Variants in SPIN3 observed in about 807,000 individuals in gnomAD.
SPIN3 encodes spindlin family member 3.
For synonymous variants in SPIN3, 74 were observed against 74.3 expected (o/e 1.00, Z 0.02); for missense variants, 176 against 196.4 (o/e 0.90, Z 0.62).
intron 3 of SPIN3, among the ~76,000 whole-genome samples, chrX:56,981,302 A>G (rs1478509655): frequency 9.4e-6 from 1 of 106,475 alleles, no homozygotes; most frequent in African/African-American, 3.4e-5. Flanking sequence ...TGGAGGTTGC[A>G]GTGAGCCAAG....
At chrX:56,984,089 G>A (rs950339252) in intron 3 of SPIN3, among the ~76,000 whole-genome samples, 8 of 111,350 alleles carry the variant, frequency 7.2e-5, no homozygotes, top group Middle Eastern at 4.6e-3. Flanking sequence ...ATACCAGCAC[G>A]GCCCTCTAAT....
At chrX:56,977,586 A>G (rs1924031560) in intron 5 of SPIN3, 1 of 112,264 alleles carries the variant, frequency 8.9e-6, no homozygotes, top group African/African-American at 3.2e-5. Flanking sequence ...ACACATGTGT[A>G]CATGCATGCA....
downstream of SPIN3, chrX:56,975,553 C>T (rs1923987808): frequency 9.0e-6 from 1 of 111,205 alleles, no homozygotes; most frequent in Non-Finnish European, 1.9e-5. Context: ...GTCCGATCCC[C>T]CCACTTTCTG....
At chrX:56,984,439 T>C (rs930635222) in exon 3 of SPIN3, 22 of 322,378 alleles carry the variant, frequency 6.8e-5, no homozygotes, top group Non-Finnish European at 1.2e-4. Flanking sequence ...AAGAAAGTCA[T>C]GTATGGGTTC....
intron 3 of SPIN3, among the ~76,000 whole-genome samples, chrX:56,983,127 C>A (rs187376940): frequency 2.3e-4 from 26 of 112,190 alleles, no homozygotes; most frequent in African/African-American, 8.4e-4. Context: ...TTACAAACTG[C>A]ATTTCCATTC....
At chrX:56,983,253 T>C (rs993524941) in intron 3 of SPIN3, among the ~76,000 whole-genome samples, 1 of 111,967 alleles carries the variant, frequency 8.9e-6, no homozygotes, top group Non-Finnish European at 1.9e-5. Context: ...CAGTCATTCT[T>C]GAGACACCTG....
intron 3 of SPIN3, among the ~76,000 whole-genome samples, chrX:56,983,783 C>T (rs1382644286): frequency 7.1e-5 from 8 of 112,474 alleles, no homozygotes; most frequent in East Asian, 2.8e-4. Flanking sequence ...CTGGGGACCC[C>T]GCTGAGGCCA....
rs761261018 is a variant in SPIN3 at position 56,992,535 on chromosome X, G to T, written c.*1636C>A. On this transcript the variant is annotated 3_prime_UTR_variant, in exon 2 of 2. Coordinates refer to ENST00000374919, the MANE Select transcript of SPIN3 (RefSeq NM_001010862.3). ...ATCTTCTTTGTTTCATCCTCAGCAG[G>T]ATGCCAATCTGTGCCGGTAGTCTGG... is the stretch of plus-strand genomic sequence containing the variant. 18 of 295,435 alleles carry T rather than the reference G, an allele frequency of 6.1e-5. No homozygotes were observed. In the East Asian group the frequency reaches 7.6e-4, roughly 13 times the overall value. The allele number at this position is 295,435 out of a possible 1,213,427, so 24.3% of individuals were successfully genotyped here. A position where few individuals can be genotyped will look rare whatever the true frequency, so the allele number is the denominator to read the frequency against.
intron 2 of SPIN3, among the ~76,000 whole-genome samples, chrX:56,985,424 C>A (rs944572619): frequency 8.9e-6 from 1 of 112,344 alleles, no homozygotes; most frequent in African/African-American, 3.2e-5. Context: ...CAGCCCATAT[C>A]CAAAGACGGA....
downstream of SPIN3, chrX:56,975,413 T>C (rs766110488): frequency 8.9e-6 from 1 of 112,031 alleles, no homozygotes; most frequent in South Asian, 3.8e-4. Context: ...AGTAAGAGGT[T>C]GTAGACACCA....
chrX:56,994,976 T>A, intron 1 of SPIN3, 27 bp from the exon 2 acceptor site: 2 of 1,142,723 alleles, frequency 1.8e-6, no homozygotes, highest in Non-Finnish European at 2.3e-6. Flanking sequence ...AGTTGCCAGG[T>A]GGACCGAGAA....
intron 3 of SPIN3, chrX:56,981,488 A>G (rs771938195): frequency 9.0e-5 from 10 of 110,780 alleles, no homozygotes; most frequent in Non-Finnish European, 1.9e-4. Flanking sequence ...ATTCTCATGC[A>G]TATCTTCTCT....
chrX:56,984,076 C>A (rs1397960568), intron 3 of SPIN3, among the ~76,000 whole-genome samples: 2 of 111,431 alleles, frequency 1.8e-5, no homozygotes, highest in Non-Finnish European at 3.8e-5. Flanking sequence ...GAACTACAGG[C>A]ACATACCAGC....
chrX:56,987,303 C>T (rs1490210366), downstream of SPIN3, among the ~76,000 whole-genome samples: 9 of 110,252 alleles, frequency 8.2e-5, no homozygotes, highest in African/African-American at 3.0e-4. Context: ...TAAATGACAT[C>T]AGGTATTCCA....
chrX:56,989,880 T>C (rs1022823203), downstream of SPIN3, among the ~76,000 whole-genome samples: 1 of 111,595 alleles, frequency 9.0e-6, no homozygotes, highest in Non-Finnish European at 1.9e-5. Context: ...ATATAATTAT[T>C]TCATTATATA....
chrX:56,975,291 G>A (rs1000703515), downstream of SPIN3: 4 of 111,497 alleles, frequency 3.6e-5, no homozygotes, highest in Admixed American at 2.9e-4. Flanking sequence ...CATTGATTCG[G>A]TCCAGAAAGG....
chrX:56,978,340 TG>T (rs1298370996), exon 5 of SPIN3: 1 of 111,560 alleles, frequency 9.0e-6, no homozygotes, highest in Non-Finnish European at 1.9e-5. Context: ...CTGGAGCTGG[TG>T]AAAAATTTGG....
Position 56,992,362 on chromosome X carries a change from C to G in SPIN3, c.*1809G>C. 1.0e-5 allele frequency: 3 copies of G among 297,142 alleles called. No homozygotes were observed. Among genetic ancestry groups the G allele is most frequent in the Non-Finnish European group, 1.8e-5 (3 of 170,274 alleles). The allele number at this position is 297,142 out of a possible 1,213,427, so 24.5% of individuals were successfully genotyped here. On this transcript the variant is annotated 3_prime_UTR_variant, in exon 2 of 2. Coordinates refer to ENST00000374919, the MANE Select transcript of SPIN3 (RefSeq NM_001010862.3). ...GCACACTAGTCCCCAGCCACTAGAA[C>G]AGTTTTTTTAAGCAAATATATGACC...
At chrX:56,988,689 G>C (rs1326208131), downstream of SPIN3, among the ~76,000 whole-genome samples, 1 of 111,049 alleles carries the variant, frequency 9.0e-6, no homozygotes, top group East Asian at 2.8e-4. Context: ...AGTCTCATGT[G>C]GGAACTTGTT....
Sources: allele counts gnomAD v4.1 joint callset (sites outside exome capture counted in the v4.1 genomes callset), GRCh38; gene constraint gnomAD v4.1.1; transcripts MANE v1.5; gene names NCBI Gene and HGNC (gene_info 2026-07-23, HGNC 2026-07-21).